Variants in HDAC9 observed in about 807,000 individuals in gnomAD.
The protein encoded by HDAC9 is histone deacetylase 9, also known as MEF-2 interacting transcription repressor (MITR) protein.
Under a neutral mutation model 139.4 loss-of-function variants are expected in HDAC9, and 41 were observed. The ratio of observed to expected loss-of-function variants is 0.29; its 90% CI spans 0.23 to 0.38. The LOEUF is 0.38. Among genes scored for constraint, HDAC9 ranks in the 10% least tolerant of loss-of-function variants. The pLI is 1.00. For missense variants in HDAC9, 1,147 were observed against 1,297.0 expected, an observed-to-expected ratio of 0.88 and a Z score of 1.78; for synonymous variants, 517 against 476.2, an observed-to-expected ratio of 1.09 and a Z score of -1.12.
At chr7:18,472,124 T>G (rs1228487163) in intron 1 of HDAC9, among the ~76,000 whole-genome samples, 4 of 152,228 alleles carry the variant, frequency 2.6e-5, no homozygotes, top group Non-Finnish European at 4.4e-5. Context: ...TTAGCTGCCT[T>G]TAGCTGGAAG....
At chr7:18,860,196 G>T (rs549184638) in intron 21 of HDAC9, among the ~76,000 whole-genome samples, 1 of 151,994 alleles carries the variant, frequency 6.6e-6, no homozygotes, top group Non-Finnish European at 1.5e-5. Flanking sequence ...CAAAGTGCAC[G>T]TGTCACCAGC....
chr7:18,655,024 GAAGTTCTGGGC>G (rs1790645400), intron 11 of HDAC9, among the ~76,000 whole-genome samples: 1 of 152,142 alleles, frequency 6.6e-6, no homozygotes, highest in Non-Finnish European at 1.5e-5. Context: ...TCTTCTCACG[GAAGTTCTGGGC>G]AAGCCTGAAG....
intron 16 of HDAC9, among the ~76,000 whole-genome samples, chr7:18,771,762 A>G (rs1419372500): frequency 6.6e-6 from 1 of 152,086 alleles, no homozygotes; most frequent in African/African-American, 2.4e-5. Context: ...CCTCCATTAT[A>G]ATACTAGGGA....
intron 1 of HDAC9, among the ~76,000 whole-genome samples, chr7:18,374,719 A>G (rs1585452864): frequency 6.6e-6 from 1 of 151,990 alleles, no homozygotes; most frequent in African/African-American, 2.4e-5. Flanking sequence ...AAGTCTTTAT[A>G]TATATAAAAT....
intron 13 of HDAC9, among the ~76,000 whole-genome samples, chr7:18,744,860 A>AT (rs1280997173): frequency 3.9e-5 from 6 of 152,042 alleles, no homozygotes; most frequent in Non-Finnish European, 7.4e-5. Flanking sequence ...TATGTAAAAA[A>AT]ATATATATAT....
chr7:18,628,100 G>A (rs1042928150), intron 6 of HDAC9, among the ~76,000 whole-genome samples: 2 of 152,092 alleles, frequency 1.3e-5, no homozygotes, highest in Non-Finnish European at 2.9e-5. Flanking sequence ...ATAAAATCTG[G>A]CTACATTATA....
intron 22 of HDAC9, among the ~76,000 whole-genome samples, chr7:18,887,067 G>A (rs968795906): frequency 2.0e-5 from 3 of 152,186 alleles, no homozygotes; most frequent in Non-Finnish European, 2.9e-5. Context: ...CTATTAATAC[G>A]TGTGTGGCTG....
chr7:18,403,645 T>G (rs1787746638), intron 1 of HDAC9, among the ~76,000 whole-genome samples: 1 of 152,172 alleles, frequency 6.6e-6, no homozygotes, highest in African/African-American at 2.4e-5. Flanking sequence ...AAATGAACCC[T>G]AGGTAGGCTT....
chr7:18,645,037 T>A (rs942689331), intron 9 of HDAC9, among the ~76,000 whole-genome samples: 2 of 151,182 alleles, frequency 1.3e-5, no homozygotes, highest in Admixed American at 6.6e-5. Context: ...TTATAGCTTT[T>A]AAAAAAAAAG....
intron 1 of HDAC9, among the ~76,000 whole-genome samples, chr7:18,439,124 G>T: frequency 6.6e-6 from 1 of 152,064 alleles, no homozygotes; most frequent in East Asian, 1.9e-4. Flanking sequence ...TATCAGATCT[G>T]GTGGCTTTGA....
intron 1 of HDAC9, among the ~76,000 whole-genome samples, chr7:18,117,943 A>T (rs1369228110): frequency 1.3e-5 from 2 of 152,064 alleles, no homozygotes; most frequent in African/African-American, 4.8e-5. Context: ...CTCCTCTCTT[A>T]TGTTATTATC....
intron 1 of HDAC9, among the ~76,000 whole-genome samples, chr7:18,310,944 TA>T (rs1358880539): frequency 5.3e-5 from 8 of 152,086 alleles, no homozygotes; most frequent in African/African-American, 1.7e-4. Context: ...TTTCTATTTC[TA>T]AAAAAAGTTA....
At chr7:18,359,080 G>C (rs1783562725) in intron 1 of HDAC9, among the ~76,000 whole-genome samples, 1 of 152,222 alleles carries the variant, frequency 6.6e-6, no homozygotes, top group Admixed American at 6.5e-5. Context: ...GTGAGGCCGG[G>C]CACAGTGGCT....
chr7:18,827,508 A>G (rs1203019173), intron 17 of HDAC9, among the ~76,000 whole-genome samples: 1 of 152,198 alleles, frequency 6.6e-6, no homozygotes, highest in Admixed American at 6.5e-5. Context: ...TTGTCAGCAT[A>G]GAACATTTTC....
intron 17 of HDAC9, among the ~76,000 whole-genome samples, chr7:18,800,184 G>A (rs1053786752): frequency 1.3e-5 from 2 of 152,156 alleles, no homozygotes; most frequent in Non-Finnish European, 2.9e-5. Flanking sequence ...AAAAATGATG[G>A]TGAATTTAAT....
chr7:18,691,279 A>G (rs1364082903), intron 12 of HDAC9, among the ~76,000 whole-genome samples: 7 of 152,130 alleles, frequency 4.6e-5, no homozygotes, highest in African/African-American at 1.7e-4. Context: ...ATTATTTGCA[A>G]TTTAAGTATT....
intron 11 of HDAC9, among the ~76,000 whole-genome samples, chr7:18,656,944 A>C (rs988855707): frequency 2.7e-5 from 4 of 150,882 alleles, no homozygotes; most frequent in Non-Finnish European, 4.4e-5. Flanking sequence ...GCTCACCTGC[A>C]TTCATTACGG....
chr7:18,984,265 A>G (rs990092854), intron 25 of HDAC9, among the ~76,000 whole-genome samples: 3 of 152,156 alleles, frequency 2.0e-5, no homozygotes, highest in African/African-American at 7.2e-5. Flanking sequence ...AAGACGAGCA[A>G]AAGTTCAGAG....
chr7:18,179,298 AT>A (rs1789199031), intron 2 of HDAC9, among the ~76,000 whole-genome samples: 1 of 152,192 alleles, frequency 6.6e-6, no homozygotes, highest in Non-Finnish European at 1.5e-5. Flanking sequence ...GCCATAACCC[AT>A]TAGTTGATTG....
Sources: allele counts gnomAD v4.1 joint callset (sites outside exome capture counted in the v4.1 genomes callset), GRCh38; gene constraint gnomAD v4.1.1; transcripts MANE v1.5; gene names NCBI Gene and HGNC (gene_info 2026-07-23, HGNC 2026-07-21).